SULF1: variants seen among roughly 807,000 people sequenced by gnomAD.
SULF1 encodes the protein sulfatase 1.
Under a neutral mutation model 110.5 loss-of-function variants are expected in SULF1, and 46 were observed. That is an observed-to-expected ratio of 0.42 (90% confidence interval 0.33 to 0.53). The LOEUF (loss-of-function observed/expected upper bound fraction) is 0.53, where lower values mean the gene tolerates loss of function less well. Ranked by LOEUF, SULF1 falls within the 20% of genes least tolerant of loss-of-function variation. SULF1 has a pLI of 0.12. For missense variants in SULF1, 941 were observed against 1,094.2 expected, an observed-to-expected ratio of 0.86 and a Z score of 1.98; for synonymous variants, 371 against 387.1, an observed-to-expected ratio of 0.96 and a Z score of 0.49.
At chr8:69,630,866 G>A (rs978005592) in intron 19 of SULF1, among the ~76,000 whole-genome samples, 5 of 152,064 alleles carry the variant, frequency 3.3e-5, no homozygotes, top group African/African-American at 7.2e-5. Flanking sequence ...TGTGCACAAC[G>A]TGCAGGTTTG....
chr8:69,580,925 T>G (rs1295320066), intron 6 of SULF1, among the ~76,000 whole-genome samples: 2 of 152,202 alleles, frequency 1.3e-5, no homozygotes, highest in Admixed American at 6.5e-5. Flanking sequence ...GTATATTTAT[T>G]CTCTAATATG....
chr8:69,497,034 G>T (rs893069981), intron 2 of SULF1, among the ~76,000 whole-genome samples: 1 of 152,154 alleles, frequency 6.6e-6, no homozygotes, highest in African/African-American at 2.4e-5. Context: ...GATTTGTGTG[G>T]TTCAGCATGA....
intron 12 of SULF1, among the ~76,000 whole-genome samples, chr8:69,604,573 T>A (rs1179651902): frequency 6.6e-6 from 1 of 152,214 alleles, no homozygotes. Flanking sequence ...TTAATGCTTT[T>A]GGGAAGAACG....
intron 15 of SULF1, among the ~76,000 whole-genome samples, chr8:69,624,604 C>T (rs1168227195): frequency 2.0e-5 from 3 of 152,242 alleles, no homozygotes; most frequent in Non-Finnish European, 2.9e-5. Context: ...TACACAATCA[C>T]TGTCACTTGG....
intron 3 of SULF1, among the ~76,000 whole-genome samples, chr8:69,526,611 A>AAAGAAAG (rs1554570776): frequency 2.9e-5 from 4 of 135,900 alleles, no homozygotes; most frequent in African/African-American, 1.3e-4. Context: ...AAAAAAAAAA[A>AAAGAAAG]AAAGAAAGAA....
chr8:69,479,158 T>G lies in SULF1; in HGVS notation c.-391+12208T>G, dbSNP rs561661596. Among the ~76,000 whole-genome samples the G allele has an allele frequency of 2.6e-5, 4 of 152,316 alleles. No individual in the cohort carries two copies. In the South Asian group the frequency reaches 6.2e-4, roughly 24 times the overall value. On this transcript the variant is annotated intron_variant, in intron 1 of 22. Transcript: ENST00000260128. ...AGGCCAACTAGAATTCCCATCTTCC[T>G]TGATTAGATGTGAAATTGTATAGCT...
intron 16 of SULF1, 30 bp from the exon 17 acceptor site, chr8:69,627,742 T>G: frequency 2.1e-6 from 3 of 1,434,200 alleles, no homozygotes; most frequent in South Asian, 1.2e-5. Flanking sequence ...CTGATCTTAA[T>G]ACGTAAGTGC....
intron 2 of SULF1, among the ~76,000 whole-genome samples, chr8:69,498,379 T>C (rs2028443): frequency 0.78 from 119,252 of 152,044 alleles, 47,092 homozygotes; most frequent in African/African-American, 0.86. Context: ...TTGAATAAAC[T>C]CTAAAACAAA....
chr8:69,498,969 C>T (rs190062948), intron 2 of SULF1, among the ~76,000 whole-genome samples: 28 of 152,282 alleles, frequency 1.8e-4, no homozygotes, highest in Non-Finnish European at 4.0e-4. Context: ...AGCCATCCTC[C>T]CACCTAAGCC....
At chr8:69,538,275 C>CTTT (rs33972358) in intron 3 of SULF1, among the ~76,000 whole-genome samples, 7,354 of 130,954 alleles carry the variant, frequency 0.056, 447 homozygotes, top group Middle Eastern at 0.13. Context: ...TTTCTGTTGC[C>CTTT]TTTTTTTTTT....
At chr8:69,651,536 A>G (rs1445126930) in intron 22 of SULF1, among the ~76,000 whole-genome samples, 1 of 149,628 alleles carries the variant, frequency 6.7e-6, no homozygotes, top group African/African-American at 2.5e-5. Context: ...GGAAATAGCC[A>G]TCAGTTCTTT....
rs141423686 is a variant in SULF1, at chr8:69,579,111, A to G, written c.412+2902A>G. Among the ~76,000 whole-genome samples the G allele has an allele frequency of 7.2e-3, 1,075 of 150,080 alleles. 11 individuals are homozygous for G. The highest frequency in any genetic ancestry group is 0.025 in the African/African-American group (1,012 of 40,770). On this transcript the variant is annotated intron_variant, in intron 6 of 22. Coordinates refer to ENST00000402687, the MANE Select transcript of SULF1 (RefSeq NM_001128205.2). ...GGGAGGCGGAGCTTCCAGTGAGCCA[A>G]GATCGTGCCACTGCACTCCAGTCTG...
At chr8:69,628,520 C>T (rs1179304923) in intron 18 of SULF1, among the ~76,000 whole-genome samples, 2 of 152,214 alleles carry the variant, frequency 1.3e-5, no homozygotes, top group Non-Finnish European at 2.9e-5. Context: ...GATTTTACTC[C>T]ATGCACTGCT....
chr8:69,484,825 C>CTCTTCCTCTTCTTCTTCTTCT (rs1809633025), intron 1 of SULF1, among the ~76,000 whole-genome samples: 1 of 148,832 alleles, frequency 6.7e-6, no homozygotes, highest in African/African-American at 2.5e-5. Flanking sequence ...TTTCATCTTC[C>CTCTTCCTCTTCTTCTTCTTCT]TCTTCTTCTT....
At chr8:69,539,034 C>T (rs1586343388) in intron 3 of SULF1, among the ~76,000 whole-genome samples, 1 of 152,172 alleles carries the variant, frequency 6.6e-6, no homozygotes, top group East Asian at 1.9e-4. Flanking sequence ...GGATTGAACC[C>T]TGTAGCTGGA....
chr8:69,620,426 C>A (rs1397971731), intron 13 of SULF1, among the ~76,000 whole-genome samples: 2 of 152,210 alleles, frequency 1.3e-5, no homozygotes, highest in East Asian at 3.8e-4. Flanking sequence ...CTACCTTCTT[C>A]TACCCAGGGT....
intron 13 of SULF1, among the ~76,000 whole-genome samples, chr8:69,616,456 C>T (rs542101226): frequency 6.6e-6 from 1 of 152,160 alleles, no homozygotes; most frequent in East Asian, 1.9e-4. Context: ...GCCCGGAATG[C>T]AGTGGCATGA....
At chr8:69,601,925 C>G (rs1331758193) in intron 10 of SULF1, 96 bp downstream of exon 10, 2 of 1,325,456 alleles carry the variant, frequency 1.5e-6, no homozygotes, top group Non-Finnish European at 2.0e-6. Context: ...TCCTTTCATC[C>G]AAAACAAAAA....
intron 1 of SULF1, among the ~76,000 whole-genome samples, chr8:69,482,112 A>T (rs1478194244): frequency 1.3e-5 from 2 of 152,200 alleles, no homozygotes; most frequent in African/African-American, 4.8e-5. Context: ...AAAGAGCACC[A>T]AGAAAAGATG....
Sources: gnomAD v4.1 joint callset for allele counts (sites outside exome capture counted in the v4.1 genomes callset) on GRCh38, gnomAD v4.1.1 for gene constraint, MANE v1.5 for transcripts, NCBI Gene and HGNC (gene_info 2026-07-23, HGNC 2026-07-21) for gene names.